The following SV2C variants were observed in gnomAD, a reference collection of about 807,000 sequenced individuals.
SV2C encodes synaptic vesicle glycoprotein 2C.
SV2C carries 49 observed loss-of-function variants against 79.7 expected under a neutral mutation model. The observed-to-expected ratio is 0.61, with a 90% confidence interval of 0.49 to 0.78. The LOEUF (loss-of-function observed/expected upper bound fraction) is 0.78. Ranked by LOEUF, SV2C falls within the 30% of genes least tolerant of loss-of-function variation. The probability of loss-of-function intolerance (pLI) is 0.00; values close to 1 mark genes in which losing one functional copy is unlikely to be tolerated. For synonymous variants in SV2C, 334 were observed against 333.2 expected (o/e 1.00, Z -0.03); for missense variants, 833 against 912.9 (o/e 0.91, Z 1.13).
the SV2C span, among the ~76,000 whole-genome samples, chr5:75,969,104 A>C: frequency 6.6e-6 from 1 of 152,182 alleles, no homozygotes; most frequent in Non-Finnish European, 1.5e-5. Context: ...GAAATAAAAT[A>C]CTTTACAGAC....
At chr5:75,910,566 A>G in the SV2C span, 1 of 683,128 alleles carries the variant, frequency 1.5e-6, no homozygotes, top group Non-Finnish European at 2.7e-6. Context: ...TACTTCACCC[A>G]GTTCAGTGAG....
In SV2C at chr5:76,209,892, G is replaced by A. The variant is rs1382332329; in HGVS notation, c.913+5G>A. ...GGGCCATCATCCCGCACTACGGTAA[G>A]AGGCTGGCCTTGCCCCAGCTGGGCA... is the stretch of plus-strand genomic sequence containing the variant. On this transcript the variant is annotated splice_donor_5th_base_variant and intron_variant, in intron 4 of 12. Coordinates refer to ENST00000502798, the MANE Select transcript of SV2C (RefSeq NM_014979.4). 1 of 1,610,030 alleles carries A rather than the reference G, an allele frequency of 6.2e-7. No homozygotes were observed.
chr5:76,320,320 A>G (rs1748788010), intron 12 of SV2C, among the ~76,000 whole-genome samples: 2 of 152,030 alleles, frequency 1.3e-5, no homozygotes, highest in Admixed American at 1.3e-4. Flanking sequence ...GGAGCATGGG[A>G]CTTTTAGGGC....
intron 4 of SV2C, among the ~76,000 whole-genome samples, chr5:76,218,382 A>C (rs1451354124): frequency 6.6e-6 from 1 of 152,222 alleles, no homozygotes; most frequent in African/African-American, 2.4e-5. Flanking sequence ...TAGACTAGAT[A>C]AAGAAAATGT....
At chr5:76,019,361 G>C in the SV2C span, among the ~76,000 whole-genome samples, 1 of 152,138 alleles carries the variant, frequency 6.6e-6, no homozygotes, top group Non-Finnish European at 1.5e-5. Context: ...AATGGAATTT[G>C]AGAAATGGAG....
At chr5:76,133,773 AC>A (rs1314686624) in intron 2 of SV2C, among the ~76,000 whole-genome samples, 1 of 152,160 alleles carries the variant, frequency 6.6e-6, no homozygotes, top group Non-Finnish European at 1.5e-5. Context: ...TGTATCTAGC[AC>A]TGTATATCAT....
At chr5:76,278,380 T>C (rs1747085714) in intron 4 of SV2C, among the ~76,000 whole-genome samples, 1 of 152,142 alleles carries the variant, frequency 6.6e-6, no homozygotes, top group Non-Finnish European at 1.5e-5. Flanking sequence ...GTGAGTGGGA[T>C]TTTGTGTGTG....
chr5:76,240,682 C>G (rs1300736884), intron 4 of SV2C, among the ~76,000 whole-genome samples: 5 of 152,174 alleles, frequency 3.3e-5, no homozygotes, highest in Non-Finnish European at 7.3e-5. Flanking sequence ...TCTCTCTGAT[C>G]CTTCCACCTG....
upstream of SV2C, chr5:76,079,046 C>T (rs1180373179): frequency 2.5e-5 from 10 of 407,356 alleles, no homozygotes; most frequent in Non-Finnish European, 3.9e-5. Flanking sequence ...CATTGGTCCA[C>T]CACCGATGGG....
chr5:75,854,164 A>T, the SV2C span, among the ~76,000 whole-genome samples: 2 of 152,158 alleles, frequency 1.3e-5, no homozygotes, highest in African/African-American at 4.8e-5. Flanking sequence ...TTCATTCAGC[A>T]CAATGTTTTG....
the SV2C span, among the ~76,000 whole-genome samples, chr5:75,965,810 C>T: frequency 1.3e-5 from 2 of 151,678 alleles, no homozygotes; most frequent in Non-Finnish European, 1.5e-5. Flanking sequence ...GTCTCAAGTG[C>T]TGGAAGATTA....
At chr5:75,994,248 C>T in the SV2C span, among the ~76,000 whole-genome samples, 15 of 152,156 alleles carry the variant, frequency 9.9e-5, no homozygotes, top group Middle Eastern at 6.8e-3. Flanking sequence ...GCCGGACAGA[C>T]GGTGAGATGG....
chr5:76,069,595 G>A, the SV2C span, among the ~76,000 whole-genome samples: 40 of 152,188 alleles, frequency 2.6e-4, no homozygotes, highest in African/African-American at 8.9e-4. Flanking sequence ...AGACTCTCCC[G>A]GGAATCCCAG....
At chr5:76,313,017 C>A (rs1748506567) in intron 12 of SV2C, among the ~76,000 whole-genome samples, 1 of 152,210 alleles carries the variant, frequency 6.6e-6, no homozygotes, top group Non-Finnish European at 1.5e-5. Flanking sequence ...CATCTTGGAT[C>A]TCTTACTGAC....
chr5:76,149,427 A>G (rs149319014), intron 2 of SV2C, among the ~76,000 whole-genome samples: 1,922 of 151,890 alleles, frequency 0.013, 38 homozygotes, highest in African/African-American at 0.044. Context: ...CATGCCAACA[A>G]CCTCCCACGA....
At chr5:75,894,705 G>A in the SV2C span, among the ~76,000 whole-genome samples, 1 of 152,092 alleles carries the variant, frequency 6.6e-6, no homozygotes, top group Non-Finnish European at 1.5e-5. Context: ...ATAGATAACA[G>A]TTTGACCAAA....
the SV2C span, among the ~76,000 whole-genome samples, chr5:76,059,246 A>G: frequency 6.6e-6 from 1 of 152,036 alleles, no homozygotes; most frequent in Non-Finnish European, 1.5e-5. Context: ...CAATTTCTTA[A>G]AATAAAATAA....
At chr5:76,268,612 A>G (rs2937719) in intron 4 of SV2C, among the ~76,000 whole-genome samples, 69,323 of 152,070 alleles carry the variant, frequency 0.46, 16,365 homozygotes, top group South Asian at 0.55. Context: ...TGAGACAAGA[A>G]CGCAAACGCT....
At chr5:76,056,012 C>T in the SV2C span, among the ~76,000 whole-genome samples, 2 of 152,092 alleles carry the variant, frequency 1.3e-5, no homozygotes, top group African/African-American at 2.4e-5. Flanking sequence ...TTGCCCTGGC[C>T]AGAACTTCCA....
Sources: gnomAD v4.1 joint callset for allele counts (sites outside exome capture counted in the v4.1 genomes callset) on GRCh38, gnomAD v4.1.1 for gene constraint, MANE v1.5 for transcripts, NCBI Gene and HGNC (gene_info 2026-07-23, HGNC 2026-07-21) for gene names.